Variants in COG5 observed in about 807,000 individuals in gnomAD.
COG5 encodes the protein component of oligomeric golgi complex 5.
Under a neutral mutation model 110.4 loss-of-function variants are expected in COG5, and 86 were observed. The ratio of observed to expected loss-of-function variants is 0.78; its 90% CI spans 0.65 to 0.93. COG5 has a LOEUF of 0.93. Among genes scored for constraint, COG5 ranks in the 40% least tolerant of loss-of-function variants. COG5 has a pLI of 0.00. For missense variants in COG5, 1,077 were observed against 987.0 expected (o/e 1.09, Z -1.22); for synonymous variants, 360 against 334.6 (o/e 1.08, Z -0.83).
chr7:107,527,382 T>C (rs1485706136), intron 5 of COG5, 25 bp from the exon 6 acceptor site: 1 of 1,611,632 alleles, frequency 6.2e-7, no homozygotes, highest in Admixed American at 1.7e-5. Context: ...CAATGTTAAG[T>C]TAGTTGATCC....
rs140625108 is a variant in COG5, at chr7:107,208,172, T to C, written c.2375+2354A>G. On this transcript the variant is annotated intron_variant, in intron 21 of 21. Coordinates refer to ENST00000297135, the MANE Select transcript of COG5 (RefSeq NM_006348.5). ...GTGCAGCAGGAGTACAGTACTTTTT[T>C]TGAAACCCTGAAGGACAGCTCAATT... 14 of 985,438 alleles carry C rather than the reference T, an allele frequency of 1.4e-5. No individual in the cohort carries two copies. The South Asian group carries it at 5.2e-4, about 36-fold the overall frequency. 61.0% of individuals were successfully genotyped at this position (985,438 alleles called of 1,614,324 possible).
chr7:107,511,427 C>T (rs1373548438), intron 6 of COG5, among the ~76,000 whole-genome samples: 2 of 152,084 alleles, frequency 1.3e-5, no homozygotes, highest in Admixed American at 1.3e-4. Flanking sequence ...AAAAAAAGTC[C>T]AGGAGCAGAT....
At chr7:107,527,202 A>G in intron 6 of COG5, 35 bp downstream of exon 6, 1 of 1,497,886 alleles carries the variant, frequency 6.7e-7, no homozygotes, top group Non-Finnish European at 9.0e-7. Flanking sequence ...TTAAATCTCT[A>G]CTAACTTTTT....
rs112185370 is a variant in COG5, at chr7:107,257,373, C to T, written c.1687-579G>A. ...CCTTCTGAGATTTACCTGTTAATAA[C>T]TCTTTAACATGTATTTTGTTTAATG... On this transcript the variant is annotated intron_variant, in intron 15 of 21. Coordinates refer to ENST00000297135, the MANE Select transcript of COG5 (RefSeq NM_006348.5). Among the ~76,000 whole-genome samples the T allele has an allele frequency of 6.6e-5, 10 of 152,138 alleles. 3 individuals are homozygous for T. The highest frequency in any genetic ancestry group is 2.4e-4 in the African/African-American group (10 of 41,540).
chr7:107,351,371 G>A (rs1445305933), intron 10 of COG5, among the ~76,000 whole-genome samples: 7 of 152,160 alleles, frequency 4.6e-5, no homozygotes, highest in Non-Finnish European at 1.0e-4. Flanking sequence ...AGAAAACCCA[G>A]GCAATACCAT....
intron 6 of COG5, among the ~76,000 whole-genome samples, chr7:107,440,323 A>C (rs1040402364): frequency 6.6e-6 from 1 of 152,182 alleles, no homozygotes; most frequent in Non-Finnish European, 1.5e-5. Context: ...CTCAGCAGAA[A>C]TCAGTAAAAT....
intron 6 of COG5, among the ~76,000 whole-genome samples, chr7:107,438,830 C>T (rs771789466): frequency 4.5e-4 from 68 of 152,214 alleles, no homozygotes; most frequent in Non-Finnish European, 8.7e-4. Flanking sequence ...TAAATTCATA[C>T]CTTCTTGTTC....
At chr7:107,295,861 G>A (rs903505723) in intron 12 of COG5, among the ~76,000 whole-genome samples, 1 of 151,958 alleles carries the variant, frequency 6.6e-6, no homozygotes, top group Non-Finnish European at 1.5e-5. Flanking sequence ...GCACGATCTC[G>A]GCTCATTGCA....
chr7:107,511,079 C>G (rs1799466518), intron 6 of COG5, among the ~76,000 whole-genome samples: 1 of 147,040 alleles, frequency 6.8e-6, no homozygotes, highest in African/African-American at 2.5e-5. Context: ...ACACAAAATA[C>G]CGTTCAAAAA....
intron 11 of COG5, among the ~76,000 whole-genome samples, chr7:107,317,949 T>C (rs968411060): frequency 2.6e-5 from 4 of 152,202 alleles, no homozygotes; most frequent in African/African-American, 9.6e-5. Context: ...TCTAAAACAA[T>C]AAATAATAAA....
intron 11 of COG5, among the ~76,000 whole-genome samples, chr7:107,322,545 G>A (rs1809399746): frequency 6.6e-6 from 1 of 152,062 alleles, no homozygotes; most frequent in African/African-American, 2.4e-5. Context: ...CACACCCACT[G>A]GAATGACTAA....
intron 14 of COG5, among the ~76,000 whole-genome samples, chr7:107,277,113 CATAA>C (rs1804757867): frequency 6.6e-6 from 1 of 152,118 alleles, no homozygotes; most frequent in Non-Finnish European, 1.5e-5. Context: ...CTATTCTACA[CATAA>C]ATAAAATATA....
chr7:107,416,698 T>C (rs1187682724), intron 6 of COG5, among the ~76,000 whole-genome samples: 1 of 152,032 alleles, frequency 6.6e-6, no homozygotes, highest in African/African-American at 2.4e-5. Context: ...TGTTCCCCCA[T>C]CAAAAAAGAC....
At chr7:107,509,664 C>A (rs563580938) in intron 6 of COG5, among the ~76,000 whole-genome samples, 49 of 152,216 alleles carry the variant, frequency 3.2e-4, no homozygotes, top group African/African-American at 1.2e-3. Flanking sequence ...TCGGGTTACC[C>A]ACAAAGGGAA....
chr7:107,355,348 A>C (rs1487854423), intron 10 of COG5, among the ~76,000 whole-genome samples: 1 of 152,216 alleles, frequency 6.6e-6, no homozygotes, highest in Non-Finnish European at 1.5e-5. Flanking sequence ...TTTCAAAAAC[A>C]GTTTGGCAGT....
chr7:107,358,078 GTAA>G (rs151166094), intron 10 of COG5, among the ~76,000 whole-genome samples: 2,844 of 152,198 alleles, frequency 0.019, 89 homozygotes, highest in African/African-American at 0.063. Flanking sequence ...TCTACCCAAT[GTAA>G]TAATATTACA....
At chr7:107,526,341 C>T (rs1404372921) in intron 6 of COG5, among the ~76,000 whole-genome samples, 1 of 152,192 alleles carries the variant, frequency 6.6e-6, no homozygotes, top group Non-Finnish European at 1.5e-5. Flanking sequence ...TCTATGTGCA[C>T]TCACTAGCTA....
chr7:107,346,606 G>A (rs759388076), intron 10 of COG5, among the ~76,000 whole-genome samples: 3 of 152,160 alleles, frequency 2.0e-5, no homozygotes, highest in Non-Finnish European at 2.9e-5. Flanking sequence ...CAACTTTAAA[G>A]ACAATGAACT....
chr7:107,388,744 G>C (rs1421119795), intron 7 of COG5, among the ~76,000 whole-genome samples: 1 of 152,156 alleles, frequency 6.6e-6, no homozygotes, highest in Non-Finnish European at 1.5e-5. Context: ...CTAATGCGGG[G>C]AAGAGGACAT....
Sources: gnomAD v4.1 joint callset for allele counts (sites outside exome capture counted in the v4.1 genomes callset) on GRCh38, gnomAD v4.1.1 for gene constraint, MANE v1.5 for transcripts, NCBI Gene and HGNC (gene_info 2026-07-23, HGNC 2026-07-21) for gene names.